Variants in PDZRN3 observed in about 807,000 individuals in gnomAD.
PDZRN3 encodes the protein E3 ubiquitin-protein ligase PDZRN3.
Under a neutral mutation model 85.7 loss-of-function variants are expected in PDZRN3, and 38 were observed. The ratio of observed to expected loss-of-function variants is 0.44; its 90% CI spans 0.34 to 0.58. The LOEUF (loss-of-function observed/expected upper bound fraction) is 0.58, where lower values mean the gene tolerates loss of function less well. Ranked by LOEUF, PDZRN3 falls within the 20% of genes least tolerant of loss-of-function variation. The pLI is 0.01. For synonymous variants in PDZRN3, 759 were observed against 638.0 expected (o/e 1.19, Z -2.86); for missense variants, 1,629 against 1,506.4 (o/e 1.08, Z -1.35).
At chr3:73,535,245 CTCTGAAATTT>C (rs1451826103) in intron 3 of PDZRN3, among the ~76,000 whole-genome samples, 10 of 152,088 alleles carry the variant, frequency 6.6e-5, no homozygotes, top group African/African-American at 2.4e-4. Context: ...TGTTGCAGGC[CTCTGAAATTT>C]TCCAAGTTGT....
At chr3:73,409,784 A>G (rs1206749039) in intron 3 of PDZRN3, among the ~76,000 whole-genome samples, 1 of 152,216 alleles carries the variant, frequency 6.6e-6, no homozygotes, top group African/African-American at 2.4e-5. Context: ...AAAGTTTTCT[A>G]CAACTTAATC....
At chr3:73,504,573 G>A (rs1163900650) in intron 3 of PDZRN3, among the ~76,000 whole-genome samples, 1 of 152,162 alleles carries the variant, frequency 6.6e-6, no homozygotes, top group Admixed American at 6.6e-5. Flanking sequence ...TTCTTGGACA[G>A]CCATTATTAA....
chr3:73,453,675 A>G (rs553808131), intron 3 of PDZRN3, among the ~76,000 whole-genome samples: 26 of 152,242 alleles, frequency 1.7e-4, no homozygotes, highest in African/African-American at 6.3e-4. Flanking sequence ...ATTGTAATGC[A>G]AAACACAGTT....
Position 73,565,411 on chromosome 3 carries a change from C to A in PDZRN3, c.918+36943G>T, listed in dbSNP as rs999301539. ...CCAAAATGCTGGGATTACAGGTGTG[C>A]ACCACCATACCCGGCCTATATCCAC... On this transcript the variant is annotated intron_variant, in intron 3 of 9. Coordinates refer to ENST00000263666, the MANE Select transcript of PDZRN3 (RefSeq NM_015009.3). Among the ~76,000 whole-genome samples the A allele has an allele frequency of 3.3e-5, 5 of 152,072 alleles. No homozygotes were observed. The East Asian group carries it at 9.7e-4, about 30-fold the overall frequency.
intron 1 of PDZRN3, among the ~76,000 whole-genome samples, chr3:73,614,732 A>C (rs1286933329): frequency 6.6e-6 from 1 of 152,174 alleles, no homozygotes; most frequent in Non-Finnish European, 1.5e-5. Flanking sequence ...AGTTGAGGGG[A>C]CCAAGAGGTA....
At chr3:73,463,578 G>C (rs1010244801) in intron 3 of PDZRN3, among the ~76,000 whole-genome samples, 14 of 152,190 alleles carry the variant, frequency 9.2e-5, no homozygotes, top group African/African-American at 3.4e-4. Context: ...ACACTGTGTG[G>C]GGAGTGTAAA....
intron 3 of PDZRN3, among the ~76,000 whole-genome samples, chr3:73,516,702 G>C (rs1704262585): frequency 1.3e-5 from 2 of 152,090 alleles, no homozygotes; most frequent in African/African-American, 4.8e-5. Context: ...CTATAAATAG[G>C]CATCCATGAA....
intron 3 of PDZRN3, among the ~76,000 whole-genome samples, chr3:73,519,843 A>G (rs1704322691): frequency 1.3e-5 from 2 of 152,204 alleles, no homozygotes; most frequent in African/African-American, 2.4e-5. Flanking sequence ...GGAGAGGGTC[A>G]TATGTGATGT....
chr3:73,521,859 G>A (rs1181403897), intron 3 of PDZRN3, among the ~76,000 whole-genome samples: 3 of 152,104 alleles, frequency 2.0e-5, no homozygotes, highest in Non-Finnish European at 4.4e-5. Flanking sequence ...GGGGAAGGAC[G>A]AGTTGTAGAA....
chr3:73,544,676 C>A (rs2106789509), intron 3 of PDZRN3, among the ~76,000 whole-genome samples: 1 of 151,534 alleles, frequency 6.6e-6, no homozygotes, highest in Admixed American at 6.6e-5. Flanking sequence ...CCCTGAATTT[C>A]CACTATCTGG....
intron 3 of PDZRN3, among the ~76,000 whole-genome samples, chr3:73,435,203 T>C (rs923348335): frequency 9.2e-5 from 14 of 152,116 alleles, no homozygotes; most frequent in African/African-American, 3.4e-4. Context: ...GGCCAGCAGA[T>C]GCCTCTGGAC....
At chr3:73,407,533 T>C (rs1040242017) in intron 3 of PDZRN3, among the ~76,000 whole-genome samples, 2 of 152,212 alleles carry the variant, frequency 1.3e-5, no homozygotes, top group Non-Finnish European at 2.9e-5. Flanking sequence ...CACATAGATA[T>C]ATTGTAAAAT....
intron 3 of PDZRN3, among the ~76,000 whole-genome samples, chr3:73,416,874 T>TTG (rs1559667628): frequency 1.7e-4 from 12 of 69,404 alleles, no homozygotes; most frequent in Non-Finnish European, 2.2e-4. Flanking sequence ...TGTTTTTTTT[T>TTG]GGTTTTTTTT....
chr3:73,405,536 A>G (rs1341785217), intron 3 of PDZRN3, among the ~76,000 whole-genome samples: 2 of 152,250 alleles, frequency 1.3e-5, no homozygotes, highest in East Asian at 3.8e-4. Context: ...AAGCAAATGT[A>G]AAATGATGGT....
rs534993416 is a variant in PDZRN3 at position 73,581,401 on chromosome 3, A to C, written c.918+20953T>G. On this transcript the variant is annotated intron_variant, in intron 3 of 9. Transcript: ENST00000263666. Reference sequence around the variant, plus strand: ...GTCTGTGTGTGGGTGTGAACGCATGATTTAGTTATTTATATTTTAAGATTT... The same window carrying C: ...GTCTGTGTGTGGGTGTGAACGCATGCTTTAGTTATTTATATTTTAAGATTT... Among the ~76,000 whole-genome samples the C allele has an allele frequency of 4.6e-5, 7 of 152,298 alleles. 1 individual carries two copies. Among genetic ancestry groups the C allele is most frequent in the Admixed American group, 1.3e-4 (2 of 15,302 alleles).
chr3:73,541,708 A>G (rs1704925900), intron 3 of PDZRN3, among the ~76,000 whole-genome samples: 2 of 152,240 alleles, frequency 1.3e-5, no homozygotes, highest in African/African-American at 4.8e-5. Flanking sequence ...TTTACCAAGA[A>G]GACTTTCTAG....
intron 3 of PDZRN3, among the ~76,000 whole-genome samples, chr3:73,412,880 T>A (rs1247536139): frequency 6.6e-6 from 1 of 152,156 alleles, no homozygotes; most frequent in African/African-American, 2.4e-5. Flanking sequence ...GAAGGCTCAG[T>A]AACACTGGGT....
chr3:73,391,872 G>A (rs1701535680), intron 5 of PDZRN3, among the ~76,000 whole-genome samples: 2 of 152,118 alleles, frequency 1.3e-5, no homozygotes, highest in Admixed American at 1.3e-4. Context: ...GCAAGTTTTT[G>A]TAGCTCCAAG....
chr3:73,383,695 C>G lies in PDZRN3; in HGVS notation c.2871G>C (p.Met957Ile). 3 of 1,611,746 alleles carry G rather than the reference C, an allele frequency of 1.9e-6. No homozygotes were observed. Among genetic ancestry groups the G allele is most frequent in the South Asian group, 2.2e-5 (2 of 91,084 alleles). Reference sequence around the variant, plus strand: ...CGCTCACCGCGTCGTCGTCGGTGGTCATGCCGCTGCGCTCTTCCCGGATCT... The same window carrying G: ...CGCTCACCGCGTCGTCGTCGGTGGTGATGCCGCTGCGCTCTTCCCGGATCT... ...ALKIREERSG[M>I]TTDDDAVSEM... Residue 957 changes from methionine (M) to isoleucine (I), a missense_variant, in exon 10 of 10, where the codon ATG (methionine) becomes ATC (isoleucine). Transcript: ENST00000263666.
Sources: gnomAD v4.1 joint callset for allele counts (sites outside exome capture counted in the v4.1 genomes callset) on GRCh38, gnomAD v4.1.1 for gene constraint, MANE v1.5 for transcripts, NCBI Gene and HGNC (gene_info 2026-07-23, HGNC 2026-07-21) for gene names.